Variants in OSBPL10 observed in about 807,000 individuals in gnomAD.
OSBPL10 encodes the protein oxysterol-binding protein-related protein 10.
OSBPL10 carries 49 observed loss-of-function variants against 81.7 expected under a neutral mutation model. The observed-to-expected ratio is 0.60, with a 90% confidence interval of 0.48 to 0.76. The LOEUF is 0.76. Ranked by LOEUF, OSBPL10 falls within the 30% of genes least tolerant of loss-of-function variation. The probability of loss-of-function intolerance (pLI) is 0.00; values close to 1 mark genes in which losing one functional copy is unlikely to be tolerated. For missense variants in OSBPL10, 923 were observed against 987.8 expected (o/e 0.93, Z 0.88); for synonymous variants, 419 against 383.6 (o/e 1.09, Z -1.08).
intron 2 of OSBPL10, among the ~76,000 whole-genome samples, chr3:31,997,649 CT>C (rs201469580): frequency 0.012 from 1,844 of 151,934 alleles, 35 homozygotes; most frequent in African/African-American, 0.042. Flanking sequence ...TTTTACTTTC[CT>C]TTATCAAATA....
intron 4 of OSBPL10, among the ~76,000 whole-genome samples, chr3:31,828,865 A>T (rs1700162729): frequency 6.6e-6 from 1 of 152,108 alleles, no homozygotes; most frequent in Admixed American, 6.5e-5. Flanking sequence ...CAGGGTGACT[A>T]TTTCAAAGTA....
chr3:31,741,618 G>C (rs1697353532), intron 5 of OSBPL10, among the ~76,000 whole-genome samples: 1 of 152,148 alleles, frequency 6.6e-6, no homozygotes, highest in Non-Finnish European at 1.5e-5. Context: ...TTAGACAGTT[G>C]TAAAAAAATA....
chr3:32,074,250 A>G (rs1425354432), intron 1 of OSBPL10, among the ~76,000 whole-genome samples: 2 of 152,096 alleles, frequency 1.3e-5, no homozygotes, highest in Non-Finnish European at 2.9e-5. Context: ...AAGCTGTCAC[A>G]CTTCTCCGCA....
intron 5 of OSBPL10, among the ~76,000 whole-genome samples, chr3:31,744,688 A>G (rs994391819): frequency 3.9e-5 from 6 of 151,958 alleles, no homozygotes; most frequent in African/African-American, 1.2e-4. Context: ...CCTTTTCCCA[A>G]TAATTTCCAT....
At chr3:31,704,610 G>A (rs1375473897) in intron 6 of OSBPL10, 1 of 152,152 alleles carries the variant, frequency 6.6e-6, no homozygotes, top group Non-Finnish European at 1.5e-5. Context: ...GAAATTAGCT[G>A]TTCTCACCAA....
At chr3:31,862,134 C>T (rs1701068632) in intron 3 of OSBPL10, among the ~76,000 whole-genome samples, 1 of 152,138 alleles carries the variant, frequency 6.6e-6, no homozygotes, top group Non-Finnish European at 1.5e-5. Flanking sequence ...ATCAAAATAT[C>T]TCACGTACCT....
chr3:31,801,446 C>T (rs977408452), intron 4 of OSBPL10, among the ~76,000 whole-genome samples: 2 of 152,348 alleles, frequency 1.3e-5, no homozygotes, highest in East Asian at 3.9e-4. Context: ...TGGCTTCTCA[C>T]CTGCCTGTTT....
At chr3:31,773,381 A>C (rs1698438412) in intron 4 of OSBPL10, among the ~76,000 whole-genome samples, 1 of 152,218 alleles carries the variant, frequency 6.6e-6, no homozygotes, top group South Asian at 2.1e-4. Flanking sequence ...ATCACCAAGA[A>C]AATGCCCAAA....
intron 5 of OSBPL10, among the ~76,000 whole-genome samples, chr3:31,739,055 G>C (rs535281255): frequency 2.9e-4 from 44 of 152,164 alleles, no homozygotes; most frequent in African/African-American, 9.9e-4. Flanking sequence ...TCAAGATAAA[G>C]GGTAATTTTT....
intron 8 of OSBPL10, among the ~76,000 whole-genome samples, chr3:31,675,625 G>C (rs544086869): frequency 6.6e-6 from 1 of 152,230 alleles, no homozygotes; most frequent in South Asian, 2.1e-4. Context: ...CAGCCCTCTC[G>C]ATGGGTATCA....
chr3:31,918,835 G>C (rs546923262), intron 1 of OSBPL10, among the ~76,000 whole-genome samples: 1 of 152,190 alleles, frequency 6.6e-6, no homozygotes, highest in Non-Finnish European at 1.5e-5. Flanking sequence ...GAAAGCATTT[G>C]ATTTTTAAAT....
intron 4 of OSBPL10, among the ~76,000 whole-genome samples, chr3:31,828,020 T>C (rs1236230990): frequency 6.6e-6 from 1 of 152,176 alleles, no homozygotes; most frequent in Non-Finnish European, 1.5e-5. Context: ...TTTTCATACA[T>C]ACAGGCTTCC....
chr3:31,817,971 GATCACATGCCTGTGGTC>G (rs1699886260), intron 4 of OSBPL10, among the ~76,000 whole-genome samples: 1 of 152,198 alleles, frequency 6.6e-6, no homozygotes, highest in Non-Finnish European at 1.5e-5. Flanking sequence ...TGGGCATGGT[GATCACATGCCTGTGGTC>G]CCAGATACTT....
intron 2 of OSBPL10, among the ~76,000 whole-genome samples, chr3:32,026,057 T>TAGATAGATGATAGATAGATGATTGATA (rs58717718): frequency 1.8e-5 from 2 of 111,232 alleles, no homozygotes; most frequent in African/African-American, 3.4e-5. Context: ...GATAGATAGA[T>TAGATAGATGATAGATAGATGATTGATA]GATAGATAGA....
chr3:31,883,733 T>C (rs1262503843), intron 1 of OSBPL10, among the ~76,000 whole-genome samples: 1 of 151,958 alleles, frequency 6.6e-6, no homozygotes, highest in African/African-American at 2.4e-5. Flanking sequence ...GGTTTCGCCA[T>C]GTTGGCCAGG....
intron 3 of OSBPL10, among the ~76,000 whole-genome samples, chr3:31,853,539 T>C (rs985262834): frequency 6.6e-6 from 1 of 152,032 alleles, no homozygotes; most frequent in African/African-American, 2.4e-5. Context: ...GGAATACAGA[T>C]TGGATGAATG....
At chr3:31,832,299 T>C (rs572125114) in intron 3 of OSBPL10, among the ~76,000 whole-genome samples, 1 of 152,308 alleles carries the variant, frequency 6.6e-6, no homozygotes, top group South Asian at 2.1e-4. Flanking sequence ...ATAGAAACAG[T>C]GAAGAGGGGA....
At chr3:31,910,789 C>T (rs1327262353) in intron 1 of OSBPL10, among the ~76,000 whole-genome samples, 3 of 152,182 alleles carry the variant, frequency 2.0e-5, no homozygotes, top group East Asian at 1.9e-4. Flanking sequence ...CAAATGGCGC[C>T]GCTTCCTTTA....
intron 2 of OSBPL10, chr3:31,990,935 A>G: frequency 1.3e-6 from 2 of 1,575,584 alleles, no homozygotes; most frequent in Non-Finnish European, 1.7e-6. Context: ...CATACCGGAC[A>G]GAAATCTTAC....
Sources: allele counts gnomAD v4.1 joint callset (sites outside exome capture counted in the v4.1 genomes callset), GRCh38; gene constraint gnomAD v4.1.1; transcripts MANE v1.5; gene names NCBI Gene and HGNC (gene_info 2026-07-23, HGNC 2026-07-21).